UBAP2: variants seen among roughly 807,000 people sequenced by gnomAD.
UBAP2 encodes the protein ubiquitin-associated protein 2.
UBAP2 carries 75 observed loss-of-function variants against 139.6 expected under a neutral mutation model. The observed-to-expected ratio is 0.54, with a 90% CI of 0.45 to 0.65. UBAP2 has a LOEUF of 0.65. Ranked by LOEUF, UBAP2 falls within the 30% of genes least tolerant of loss-of-function variation. The pLI is 0.00. For synonymous variants in UBAP2, 526 were observed against 526.2 expected (o/e 1.00, Z 0.01); for missense variants, 1,368 against 1,369.6 (o/e 1.00, Z 0.02).
chr9:33,997,133 A>G (rs977395823), intron 3 of UBAP2: 5 of 152,128 alleles, frequency 3.3e-5, no homozygotes, highest in African/African-American at 9.7e-5. Flanking sequence ...ATCACAAAAC[A>G]CACTCCTAGA....
chr9:33,963,612 T>C, intron 9 of UBAP2, 114 bp downstream of exon 9: 1 of 630,478 alleles, frequency 1.6e-6, no homozygotes, highest in Non-Finnish European at 2.7e-6. Context: ...AGGTATAGTT[T>C]ACAAACATTT....
At position 33,922,822 on chromosome 9, in the gene UBAP2, C is replaced by T. The variant is rs188768044; in HGVS notation, c.3129G>A (p.Ser1043=). The T allele has an allele frequency of 3.5e-5, 55 of 1,573,506 alleles. No individual in the cohort carries two copies. In the East Asian group the frequency reaches 5.8e-4, roughly 17 times the overall value. Residue 1043 remains serine (S), a synonymous_variant, in exon 28 of 29, where the codon TCG becomes TCA. Transcript: ENST00000379238. ...CCAGGGGCCCAGTGGAGCCCAAGAC[C>T]GAGGGCAGGCTGAAAGGTGGAGGCG... The part of the protein sequence containing the change: ...AGTPPPFSLP[S]VLGSTGPLAS...
chr9:33,985,539 A>G (rs1821131004), intron 6 of UBAP2, among the ~76,000 whole-genome samples: 1 of 152,254 alleles, frequency 6.6e-6, no homozygotes. Context: ...CTTGGAAGAC[A>G]TTGTGTTAAA....
intron 1 of UBAP2, among the ~76,000 whole-genome samples, chr9:34,041,526 G>C (rs1431315988): frequency 6.8e-6 from 1 of 147,966 alleles, no homozygotes; most frequent in African/African-American, 2.5e-5. Flanking sequence ...GTGAAACCCC[G>C]TCTCTACTAA....
At chr9:33,922,627 C>T in intron 28 of UBAP2, 28 bp from the exon 29 acceptor site, 1 of 1,607,734 alleles carries the variant, frequency 6.2e-7, no homozygotes, top group Non-Finnish European at 8.5e-7. Flanking sequence ...GGAAGGCTGT[C>T]AAGGCTGGAG....
intron 1 of UBAP2, among the ~76,000 whole-genome samples, chr9:34,041,050 G>A (rs927679487): frequency 5.9e-5 from 9 of 152,124 alleles, no homozygotes; most frequent in Non-Finnish European, 1.0e-4. Flanking sequence ...GTCCACATGA[G>A]GACAAGTAAA....
In UBAP2 at chr9:33,996,289, G is replaced by C; in HGVS notation, c.222C>G (p.Ala74=). 1 of 1,613,408 alleles carries C rather than the reference G, an allele frequency of 6.2e-7. No individual in the cohort carries two copies. The highest frequency in any genetic ancestry group is 8.5e-7 in the Non-Finnish European group (1 of 1,179,858). ...TGKNQDECIV[A]LHDCNGDVNK... ...TCACATCTCCATTACAATCATGTAG[G>C]GCCACTATGCATTCATCCTGATTTT... Residue 74 remains alanine (A), a synonymous_variant, in exon 4 of 29, where the codon GCC becomes GCG. Transcript: ENST00000379238.
chr9:33,961,661 G>C (rs1375526101), intron 9 of UBAP2, among the ~76,000 whole-genome samples: 1 of 152,208 alleles, frequency 6.6e-6, no homozygotes, highest in Non-Finnish European at 1.5e-5. Flanking sequence ...ACCCCAGAAA[G>C]AGGGATTATG....
At position 33,996,754 on chromosome 9, in the gene UBAP2, A is replaced by T. The variant is rs147585966; in HGVS notation, c.178-421T>A. 1,249 of 162,268 alleles carry T rather than the reference A, an allele frequency of 7.7e-3. 10 individuals are homozygous for T. The highest frequency in any genetic ancestry group is 0.013 in the Non-Finnish European group (955 of 74,828). The allele number at this position is 162,268 out of a possible 1,614,324, so 10.1% of individuals were successfully genotyped here. ...ATCCAATACAAATTTTTTGTCAGGG[A>T]CAATATTCCATATGCTGGCTTTCAC... On this transcript the variant is annotated intron_variant, in intron 3 of 28. Transcript: ENST00000379238.
In UBAP2 at chr9:33,995,314, A is replaced by C. The variant is rs2131175043; in HGVS notation, c.288+909T>G. On this transcript the variant is annotated intron_variant, in intron 4 of 28. Transcript: ENST00000379238. ...GGAGGTTGCAGTGAGTCAAGATCAC[A>C]CTACTGCACTCCAGCCTGGGTGGCA... 2 of 149,714 alleles carry C rather than the reference A, an allele frequency of 1.3e-5. 1 individual carries two copies. Among genetic ancestry groups the C allele is most frequent in the South Asian group, 4.2e-4 (2 of 4,786 alleles). The allele number at this position is 149,714 out of a possible 1,614,324, so 9.3% of individuals were successfully genotyped here.
At chr9:34,036,693 T>G (rs146365437) in intron 1 of UBAP2, among the ~76,000 whole-genome samples, 1 of 152,062 alleles carries the variant, frequency 6.6e-6, no homozygotes, top group African/African-American at 2.4e-5. Context: ...TGAACACCTA[T>G]AGAGTAGCAT....
chr9:33,945,255 T>C (rs1825567962), intron 13 of UBAP2, among the ~76,000 whole-genome samples: 6 of 152,024 alleles, frequency 3.9e-5, no homozygotes. Flanking sequence ...TCCCAACACT[T>C]TGGGAGGCCG....
At chr9:34,038,134 C>A (rs1826614191) in intron 1 of UBAP2, among the ~76,000 whole-genome samples, 1 of 124,598 alleles carries the variant, frequency 8.0e-6, no homozygotes, top group Non-Finnish European at 1.6e-5. Context: ...CCACTGCACT[C>A]CAGCCTGGGA....
intron 1 of UBAP2, among the ~76,000 whole-genome samples, chr9:34,030,943 A>G (rs1411182143): frequency 6.6e-6 from 1 of 151,396 alleles, no homozygotes; most frequent in Non-Finnish European, 1.5e-5. Context: ...AAATTAAACT[A>G]AAAATAAAAA....
Position 33,965,036 on chromosome 9 carries a change from C to T in UBAP2, c.680-1245G>A, listed in dbSNP as rs144003966. 1.9e-3 allele frequency among the ~76,000 whole-genome samples: 295 copies of T among 152,284 alleles called. 2 individuals carry two copies. Among genetic ancestry groups the T allele is most frequent in the African/African-American group, 6.7e-3 (280 of 41,574 alleles). ...ATGAGCACACTCACGGATTTGTTTG[C>T]TATCCATTTATCATGTTCCCTTATA... is the stretch of plus-strand genomic sequence containing the variant. On this transcript the variant is annotated intron_variant, in intron 8 of 28. Coordinates refer to ENST00000379238, the MANE Select transcript of UBAP2 (RefSeq NM_001370062.2).
At chr9:34,014,087 T>C (rs1173214205) in intron 2 of UBAP2, among the ~76,000 whole-genome samples, 1 of 150,540 alleles carries the variant, frequency 6.6e-6, no homozygotes, top group African/African-American at 2.4e-5. Flanking sequence ...CCTTGGGAGA[T>C]CAAGGGGGGG....
intron 15 of UBAP2, among the ~76,000 whole-genome samples, chr9:33,942,740 A>AG (rs1825344346): frequency 6.6e-6 from 1 of 151,246 alleles, no homozygotes; most frequent in Non-Finnish European, 1.5e-5. Context: ...AAAAAAAAAA[A>AG]AGAAAAGAAA....
At chr9:33,974,871 C>T (rs1278980953) in intron 6 of UBAP2, among the ~76,000 whole-genome samples, 4 of 125,174 alleles carry the variant, frequency 3.2e-5, no homozygotes, top group Non-Finnish European at 4.7e-5. Flanking sequence ...ACCCAGGGGG[C>T]GGAGGCTACA....
At chr9:33,963,913 T>C in intron 8 of UBAP2, 122 bp from the exon 9 acceptor site, 1 of 702,488 alleles carries the variant, frequency 1.4e-6, no homozygotes. Flanking sequence ...GATAGTGAAA[T>C]GTAATTGAAA....
Sources: allele counts gnomAD v4.1 joint callset (sites outside exome capture counted in the v4.1 genomes callset), GRCh38; gene constraint gnomAD v4.1.1; transcripts MANE v1.5; gene names NCBI Gene and HGNC (gene_info 2026-07-23, HGNC 2026-07-21).